The following MAPKAP1 variants were observed in gnomAD, a reference collection of about 807,000 sequenced individuals.
The protein encoded by MAPKAP1 is MAPK associated protein 1, also known as target of rapamycin complex 2 subunit MAPKAP1.
Under a neutral mutation model 65.7 loss-of-function variants are expected in MAPKAP1, and 20 were observed. The observed-to-expected ratio is 0.30, with a 90% CI of 0.21 to 0.44. The LOEUF (loss-of-function observed/expected upper bound fraction) is 0.44, where lower values mean the gene tolerates loss of function less well. Ranked by LOEUF, MAPKAP1 falls within the 20% of genes least tolerant of loss-of-function variation. The pLI is 1.00. For missense variants in MAPKAP1, 423 were observed against 648.0 expected, an observed-to-expected ratio of 0.65 and a Z score of 3.77; for synonymous variants, 222 against 244.3, an observed-to-expected ratio of 0.91 and a Z score of 0.85.
At chr9:125,469,924 G>GGT (rs374534121) in intron 9 of MAPKAP1, among the ~76,000 whole-genome samples, 8 of 151,608 alleles carry the variant, frequency 5.3e-5, no homozygotes, top group Non-Finnish European at 7.4e-5. Flanking sequence ...ATGGTTGTCG[G>GGT]GTGTGTGTGT....
At chr9:125,571,776 T>A (rs181065606) in intron 5 of MAPKAP1, among the ~76,000 whole-genome samples, 111 of 152,156 alleles carry the variant, frequency 7.3e-4, no homozygotes, top group Middle Eastern at 3.4e-3. Flanking sequence ...GGAAGGAGAA[T>A]CGCTTGAACC....
intron 1 of MAPKAP1, among the ~76,000 whole-genome samples, chr9:125,676,090 C>G (rs1306268697): frequency 6.6e-6 from 1 of 152,044 alleles, no homozygotes; most frequent in African/African-American, 2.4e-5. Context: ...GTGCACAGAT[C>G]AAAAAGATTT....
At chr9:125,482,339 A>C (rs1238726823) in intron 9 of MAPKAP1, among the ~76,000 whole-genome samples, 1 of 152,116 alleles carries the variant, frequency 6.6e-6, no homozygotes, top group African/African-American at 2.4e-5. Context: ...CAGTATCTTT[A>C]CTTCTTACAT....
At chr9:125,602,413 G>A (rs554634881) in intron 4 of MAPKAP1, among the ~76,000 whole-genome samples, 6 of 152,202 alleles carry the variant, frequency 3.9e-5, no homozygotes, top group African/African-American at 1.2e-4. Flanking sequence ...GCCTTCATCC[G>A]CGTCTTCCAG....
Position 125,438,869 on chromosome 9 carries a change from T to A in MAPKAP1, c.*18A>T. On this transcript the variant is annotated 3_prime_UTR_variant, in exon 12 of 12. Coordinates refer to ENST00000265960, the MANE Select transcript of MAPKAP1 (RefSeq NM_001006617.3). ...GCAGGCTCTGAGCTACGGAACAGAT[T>A]GAGGCTGGAGGCCAGTGTCACTGCT... 1.9e-6 allele frequency: 3 copies of A among 1,614,084 alleles called. No individual in the cohort carries two copies. The highest frequency in any genetic ancestry group is 2.5e-6 in the Non-Finnish European group (3 of 1,179,974).
chr9:125,652,028 C>A, intron 4 of MAPKAP1: 2 of 978,082 alleles, frequency 2.0e-6, no homozygotes, highest in South Asian at 4.3e-5. Context: ...GGGACCATTC[C>A]CACAAGAATA....
At chr9:125,488,538 ATTTCGCCT>A in intron 8 of MAPKAP1, among the ~76,000 whole-genome samples, 1 of 151,962 alleles carries the variant, frequency 6.6e-6, no homozygotes, top group South Asian at 2.1e-4. Flanking sequence ...GAGAGATGGG[ATTTCGCCT>A]TGTTGGCCAG....
intron 1 of MAPKAP1, among the ~76,000 whole-genome samples, chr9:125,704,823 C>T (rs996808961): frequency 9.2e-5 from 14 of 152,136 alleles, no homozygotes; most frequent in Admixed American, 3.3e-4. Flanking sequence ...CTATTTATTT[C>T]GGGGGACTTT....
chr9:125,538,610 G>A (rs776753055), intron 7 of MAPKAP1, among the ~76,000 whole-genome samples: 43 of 152,018 alleles, frequency 2.8e-4, no homozygotes, highest in African/African-American at 8.0e-4. Context: ...TTAAAATATG[G>A]TAAGCCACTG....
intron 4 of MAPKAP1, among the ~76,000 whole-genome samples, chr9:125,638,064 G>A (rs1297888248): frequency 2.0e-5 from 3 of 152,118 alleles, no homozygotes; most frequent in Non-Finnish European, 2.9e-5. Context: ...GAGCCCCCAC[G>A]CCCAGCTGGT....
chr9:125,649,286 TACA>T (rs1339430437), intron 4 of MAPKAP1, among the ~76,000 whole-genome samples: 1 of 152,222 alleles, frequency 6.6e-6, no homozygotes, highest in South Asian at 2.1e-4. Flanking sequence ...GAGAAGGTAG[TACA>T]ACAACAGTAA....
At chr9:125,586,457 T>C (rs1831788718) in intron 4 of MAPKAP1, among the ~76,000 whole-genome samples, 2 of 152,076 alleles carry the variant, frequency 1.3e-5, no homozygotes, top group African/African-American at 2.4e-5. Context: ...GAACCTGCTG[T>C]TGAGGATACT....
At chr9:125,671,990 G>GA (rs1015826193) in intron 2 of MAPKAP1, among the ~76,000 whole-genome samples, 21 of 152,230 alleles carry the variant, frequency 1.4e-4, no homozygotes, top group African/African-American at 5.1e-4. Flanking sequence ...TACCTACTGG[G>GA]ACTAATGTTG....
chr9:125,644,362 A>G lies in MAPKAP1; in HGVS notation c.498+13289T>C, dbSNP rs569357703. The stretch of plus-strand genomic sequence containing the variant: ...TCGTAGTAGTAAGAGTCCTTGAAAA[A>G]AAAACATGAAACAGAAAATTTCACA... On this transcript the variant is annotated intron_variant, in intron 4 of 11. Coordinates refer to ENST00000265960, the MANE Select transcript of MAPKAP1 (RefSeq NM_001006617.3). 9.8e-5 allele frequency among the ~76,000 whole-genome samples: 15 copies of G among 152,360 alleles called. No homozygotes were observed. The East Asian group carries it at 1.7e-3, about 18-fold the overall frequency.
intron 5 of MAPKAP1, among the ~76,000 whole-genome samples, chr9:125,560,579 T>C (rs1830864468): frequency 6.6e-6 from 1 of 152,100 alleles, no homozygotes; most frequent in African/African-American, 2.4e-5. Flanking sequence ...GTTAAGACCC[T>C]GTCTCAAAAA....
At chr9:125,515,249 A>G (rs1713259793) in intron 7 of MAPKAP1, among the ~76,000 whole-genome samples, 1 of 152,130 alleles carries the variant, frequency 6.6e-6, no homozygotes, top group Non-Finnish European at 1.5e-5. Flanking sequence ...GTTCCAATAA[A>G]CCAATTCTCC....
At chr9:125,603,933 T>C (rs189856980) in intron 4 of MAPKAP1, among the ~76,000 whole-genome samples, 1 of 151,648 alleles carries the variant, frequency 6.6e-6, no homozygotes, top group East Asian at 1.9e-4. Flanking sequence ...AGAAACATTT[T>C]ATTTTTTTTA....
chr9:125,561,705 G>C (rs1176467537), intron 5 of MAPKAP1, among the ~76,000 whole-genome samples: 1 of 152,122 alleles, frequency 6.6e-6, no homozygotes, highest in Admixed American at 6.5e-5. Flanking sequence ...GCTTCACCTC[G>C]AGTTTCAGTT....
At chr9:125,577,649 CCAGGAGGGAGGTGGGG>C in intron 5 of MAPKAP1, among the ~76,000 whole-genome samples, 2 of 7,772 alleles carry the variant, frequency 2.6e-4, no homozygotes, top group Non-Finnish European at 2.1e-4. Flanking sequence ...GCCGCCCCGT[CCAGGAGGGAGGTGGGG>C]GTCCGGGAGG....
Sources: allele counts gnomAD v4.1 joint callset (sites outside exome capture counted in the v4.1 genomes callset), GRCh38; gene constraint gnomAD v4.1.1; transcripts MANE v1.5; gene names NCBI Gene and HGNC (gene_info 2026-07-23, HGNC 2026-07-21).